EDA: variants seen among roughly 807,000 people sequenced by gnomAD.
The protein encoded by EDA is ectodysplasin-A.
In EDA, 2 loss-of-function variants were observed where a neutral mutation model predicts 23.6. The observed-to-expected ratio is 0.08, with a 90% confidence interval of 0.03 to 0.27. The LOEUF is 0.27. Among genes scored for constraint, EDA ranks in the 10% least tolerant of loss-of-function variants. EDA has a pLI of 1.00. For synonymous variants in EDA, 131 were observed against 132.0 expected, an observed-to-expected ratio of 0.99 and a Z score of 0.05; for missense variants, 229 against 324.2, an observed-to-expected ratio of 0.71 and a Z score of 2.26.
intron 2 of EDA, among the ~76,000 whole-genome samples, chrX:69,981,599 G>A (rs187593095): frequency 1.0e-3 from 116 of 111,565 alleles, no homozygotes; most frequent in African/African-American, 3.3e-3. Flanking sequence ...ACATGGTCAC[G>A]TGGGAGAAAC....
chrX:69,709,967 G>C lies in EDA; in HGVS notation c.396+93263G>C, dbSNP rs756425922. On this transcript the variant is annotated intron_variant, in intron 1 of 7. Transcript: ENST00000374552. ...AGGTTGCCTGTTCACTCTAATAGTA[G>C]TTTCTTTTGCTGTGCAGAAGCTCTT... Among the ~76,000 whole-genome samples, 6 of 111,756 alleles carry C rather than the reference G, an allele frequency of 5.4e-5. No individual in the cohort carries two copies. The South Asian group carries it at 2.2e-3, about 41-fold the overall frequency.
chrX:69,799,770 TG>T (rs894703497), intron 1 of EDA, among the ~76,000 whole-genome samples: 10 of 100,179 alleles, frequency 1.0e-4, no homozygotes, highest in Non-Finnish European at 2.0e-4. Flanking sequence ...TTGGTAGGAG[TG>T]TAAATTAGCA....
chrX:69,688,427 GT>G (rs1934608893), intron 1 of EDA, among the ~76,000 whole-genome samples: 1 of 111,155 alleles, frequency 9.0e-6, no homozygotes. Flanking sequence ...TTGAGACAGA[GT>G]TTCCCTTGAT....
At chrX:69,648,098 C>T (rs995986820) in intron 1 of EDA, among the ~76,000 whole-genome samples, 1 of 111,461 alleles carries the variant, frequency 9.0e-6, no homozygotes, top group Non-Finnish European at 1.9e-5. Context: ...GGGTACTGAC[C>T]TGTTGCCAGC....
chrX:70,015,290 C>T (rs1266127467), intron 2 of EDA, among the ~76,000 whole-genome samples: 3 of 111,912 alleles, frequency 2.7e-5, no homozygotes, highest in Admixed American at 9.4e-5. Flanking sequence ...AAAGAAACTC[C>T]GGCCAGGCAC....
intron 1 of EDA, among the ~76,000 whole-genome samples, chrX:69,660,056 G>A (rs1933436513): frequency 9.0e-6 from 1 of 111,373 alleles, no homozygotes; most frequent in Admixed American, 9.6e-5. Flanking sequence ...CATTTGTGCT[G>A]GTAATAGGTT....
rs761906086 is a variant in EDA at position 70,027,252 on chromosome X, C to A, written c.527-605C>A. ...GTCCCTACCCACTAAGGTAGCACTT[C>A]TACTATCCCATGACTGTGTCTGTTT... On this transcript the variant is annotated intron_variant, in intron 3 of 7. Coordinates refer to ENST00000374552, the MANE Select transcript of EDA (RefSeq NM_001399.5). 1.3e-4 allele frequency among the ~76,000 whole-genome samples: 14 copies of A among 111,759 alleles called. No individual in the cohort carries two copies. The South Asian group carries it at 4.9e-3, about 39-fold the overall frequency.
chrX:69,700,064 G>A (rs748440618), intron 1 of EDA, among the ~76,000 whole-genome samples: 42 of 111,136 alleles, frequency 3.8e-4, no homozygotes, highest in African/African-American at 1.3e-3. Flanking sequence ...AGGTGACTGA[G>A]GGGGTGCATA....
intron 2 of EDA, among the ~76,000 whole-genome samples, chrX:69,977,378 G>A (rs1378563814): frequency 8.9e-6 from 1 of 111,824 alleles, no homozygotes; most frequent in Non-Finnish European, 1.9e-5. Flanking sequence ...ATGTTCATTT[G>A]TCTTGCTTCT....
At chrX:69,874,385 A>G (rs1337916237) in intron 1 of EDA, among the ~76,000 whole-genome samples, 1 of 112,345 alleles carries the variant, frequency 8.9e-6, no homozygotes, top group African/African-American at 3.2e-5. Context: ...AGAATTAAAA[A>G]CAAAAATCAC....
chrX:69,660,449 G>A (rs867545253), intron 1 of EDA, among the ~76,000 whole-genome samples: 44 of 109,887 alleles, frequency 4.0e-4, no homozygotes, highest in East Asian at 2.9e-3. Flanking sequence ...CCATTAACTC[G>A]TCATTTACAT....
intron 2 of EDA, among the ~76,000 whole-genome samples, chrX:70,020,745 A>G (rs777505908): frequency 8.9e-6 from 1 of 112,134 alleles, no homozygotes; most frequent in East Asian, 2.8e-4. Flanking sequence ...ATCAAAGATG[A>G]TTAAACGCTG....
chrX:69,855,702 A>G (rs2147584778), intron 1 of EDA, among the ~76,000 whole-genome samples: 1 of 111,085 alleles, frequency 9.0e-6, no homozygotes, highest in Non-Finnish European at 1.9e-5. Context: ...GTACCATGCT[A>G]TTTTGCTTGC....
At chrX:69,920,703 T>C (rs1487903275) in intron 1 of EDA, among the ~76,000 whole-genome samples, 1 of 111,800 alleles carries the variant, frequency 8.9e-6, no homozygotes, top group Non-Finnish European at 1.9e-5. Flanking sequence ...AAAAAAAATT[T>C]TAAGTACATA....
At chrX:70,028,062 A>C (rs2020143953) in intron 4 of EDA, 26 bp downstream of exon 4, 1 of 1,190,494 alleles carries the variant, frequency 8.4e-7, no homozygotes, top group African/African-American at 1.8e-5. Context: ...TCTCCACCCC[A>C]CCAGGTGCCT....
intron 2 of EDA, among the ~76,000 whole-genome samples, chrX:69,960,468 T>G (rs1352793763): frequency 9.0e-6 from 1 of 111,009 alleles, no homozygotes; most frequent in African/African-American, 3.3e-5. Flanking sequence ...CTTGTTAAAT[T>G]TGAGGTAGCT....
chrX:69,685,387 T>G (rs1934509056), intron 1 of EDA, among the ~76,000 whole-genome samples: 1 of 111,820 alleles, frequency 8.9e-6, no homozygotes, highest in African/African-American at 3.2e-5. Context: ...TTAGATTTTG[T>G]ATTTTATTTT....
In EDA at chrX:69,664,229, T is replaced by C. The variant is rs757455709; in HGVS notation, c.396+47525T>C. ...GTCGCCACCCAAATCTCATCTTGAA[T>C]TGTAGCTCTTATAATTCCCACGTGT... On this transcript the variant is annotated intron_variant, in intron 1 of 7. Transcript: ENST00000374552. 1.3e-3 allele frequency among the ~76,000 whole-genome samples: 144 copies of C among 111,823 alleles called. 1 individual carries two copies. The highest frequency in any genetic ancestry group is 0.013 in the Admixed American group (135 of 10,581).
chrX:69,692,464 T>A (rs1934739067), intron 1 of EDA, among the ~76,000 whole-genome samples: 1 of 111,531 alleles, frequency 9.0e-6, no homozygotes, highest in African/African-American at 3.3e-5. Context: ...GAGTGAAAAC[T>A]CATGAATGAA....
Sources: allele counts gnomAD v4.1 joint callset (sites outside exome capture counted in the v4.1 genomes callset), GRCh38; gene constraint gnomAD v4.1.1; transcripts MANE v1.5; gene names NCBI Gene and HGNC (gene_info 2026-07-23, HGNC 2026-07-21).